Variants in LRRC4C observed in about 807,000 individuals in gnomAD.
LRRC4C encodes leucine-rich repeat-containing protein 4C.
A neutral mutation model predicts 33.6 loss-of-function variants in LRRC4C; 5 were observed. The ratio of observed to expected loss-of-function variants is 0.15; its 90% confidence interval spans 0.08 to 0.31. The LOEUF (loss-of-function observed/expected upper bound fraction) is 0.31. Ranked by LOEUF, LRRC4C falls within the 10% of genes least tolerant of loss-of-function variation. The probability of loss-of-function intolerance (pLI) is 1.00; values close to 1 mark genes in which losing one functional copy is unlikely to be tolerated. For missense variants in LRRC4C, 560 were observed against 796.7 expected (o/e 0.70, Z 3.58); for synonymous variants, 329 against 302.0 (o/e 1.09, Z -0.93).
intron 1 of LRRC4C, among the ~76,000 whole-genome samples, chr11:41,313,604 A>T (rs1046325181): frequency 2.6e-5 from 4 of 152,206 alleles, no homozygotes; most frequent in Non-Finnish European, 5.9e-5. Context: ...AGGGATAGAG[A>T]TAGTGCTTAG....
At position 40,757,281 on chromosome 11, in the gene LRRC4C, T is replaced by C. The variant is rs138976577; in HGVS notation, c.-406-109003A>G. On this transcript the variant is annotated intron_variant, in intron 2 of 6. Coordinates refer to ENST00000528697, the MANE Select transcript of LRRC4C (RefSeq NM_001258419.2). ...CTTCTAAAATCTCCCTTCTGGCTAATAAAAGCTTAGGAATTAGGATGGGCA... is the reference window on the plus strand; with the variant it reads ...CTTCTAAAATCTCCCTTCTGGCTAACAAAAGCTTAGGAATTAGGATGGGCA... Among the ~76,000 whole-genome samples the C allele has an allele frequency of 6.7e-3, 1,024 of 152,204 alleles. 11 individuals are homozygous for C. Among genetic ancestry groups the C allele is most frequent in the African/African-American group, 0.023 (944 of 41,562 alleles).
chr11:40,738,533 A>T (rs1265819450), intron 2 of LRRC4C, among the ~76,000 whole-genome samples: 1 of 152,198 alleles, frequency 6.6e-6, no homozygotes, highest in East Asian at 1.9e-4. Flanking sequence ...AAGGTTCAGG[A>T]CACAAAAATC....
rs140098293 is a variant in LRRC4C, at chr11:40,114,521, T to C, written c.1772A>G (p.Glu591Gly). The change falls in exon 7 of 7, where the codon GAG becomes GGG. Residue 591 changes from glutamate to glycine, a missense_variant. By Grantham distance (98) the Glu-to-Gly change is moderately conservative (BLOSUM62 -2). Around this residue, in one of 3 missense-constraint regions of LRRC4C, gnomAD observed 103 missense variants for 132.1 expected, o/e 0.78. Transcript: ENST00000528697. ...GTTATAGTGATTTAGGTGCTCATGC[T>C]CGATAGCAGGCATGGGCAGGTGGCT... ...MESHLPMPAI[E>G]HEHLNHYNSY... is the part of the protein sequence containing the mutation. 1.2e-6 allele frequency: 2 copies of C among 1,614,036 alleles called. No homozygotes were observed. The highest frequency in any genetic ancestry group is 1.7e-6 in the Non-Finnish European group (2 of 1,180,016).
At chr11:41,448,122 G>GTTTTTTTTTTTGTTTTTTTTT (rs1955888375) in intron 1 of LRRC4C, among the ~76,000 whole-genome samples, 1 of 46,948 alleles carries the variant, frequency 2.1e-5, no homozygotes, top group Admixed American at 2.8e-4. Context: ...GCACACGTCT[G>GTTTTTTTTTTTGTTTTTTTTT]TTTTTTTTTT....
intron 2 of LRRC4C, among the ~76,000 whole-genome samples, chr11:40,845,307 C>T (rs532009269): frequency 3.3e-4 from 50 of 152,210 alleles, no homozygotes; most frequent in Middle Eastern, 3.4e-3. Flanking sequence ...CCTCCCCTTG[C>T]CACCTACATG....
chr11:40,511,696 G>T (rs2135141752), intron 3 of LRRC4C, among the ~76,000 whole-genome samples: 1 of 152,296 alleles, frequency 6.6e-6, no homozygotes, highest in Non-Finnish European at 1.5e-5. Flanking sequence ...GCCACACTTA[G>T]TAAATGATAA....
At chr11:40,438,965 C>G (rs1441271806) in intron 3 of LRRC4C, among the ~76,000 whole-genome samples, 1 of 131,082 alleles carries the variant, frequency 7.6e-6, no homozygotes, top group African/African-American at 2.9e-5. Context: ...GAGTCTCACT[C>G]TGTCGCCCAG....
chr11:40,487,031 T>C (rs1403068458), intron 3 of LRRC4C, among the ~76,000 whole-genome samples: 2 of 152,060 alleles, frequency 1.3e-5, no homozygotes, highest in Non-Finnish European at 2.9e-5. Context: ...AGAAAAGTTA[T>C]ACGGCGGGGC....
chr11:40,156,940 A>G (rs907764511), intron 5 of LRRC4C, among the ~76,000 whole-genome samples: 2 of 152,186 alleles, frequency 1.3e-5, no homozygotes, highest in African/African-American at 4.8e-5. Context: ...GAATCAAAAA[A>G]GAGCCCGTAT....
chr11:41,018,548 T>C (rs1855746143), intron 1 of LRRC4C, among the ~76,000 whole-genome samples: 1 of 152,178 alleles, frequency 6.6e-6, no homozygotes, highest in Non-Finnish European at 1.5e-5. Context: ...ATTTTATTTC[T>C]CCTTGATTAT....
chr11:40,213,917 T>A (rs1305321860), intron 5 of LRRC4C, among the ~76,000 whole-genome samples: 1 of 151,794 alleles, frequency 6.6e-6, no homozygotes, highest in Non-Finnish European at 1.5e-5. Context: ...GATCCCAAAT[T>A]GAAAATGAGA....
chr11:41,066,191 A>G (rs1252917227), intron 1 of LRRC4C, among the ~76,000 whole-genome samples: 2 of 152,194 alleles, frequency 1.3e-5, no homozygotes, highest in African/African-American at 4.8e-5. Flanking sequence ...AGGAACTGCT[A>G]ACTACAATAA....
In LRRC4C at chr11:40,447,179, G is replaced by A. The variant is rs949683637; in HGVS notation, c.-269-127458C>T. 6 of 159,772 alleles carry A rather than the reference G, an allele frequency of 3.8e-5. No individual in the cohort carries two copies. In the South Asian group the frequency reaches 7.8e-4, roughly 21 times the overall value. 9.9% of individuals were successfully genotyped at this position (159,772 alleles called of 1,614,324 possible). A position where few individuals can be genotyped will look rare whatever the true frequency, so the allele number is the denominator to read the frequency against. ...AATGGCACATTTCCCCTCAACTCAA[G>A]TCATCAGCCTCCTGAATGCTTCCTC... On this transcript the variant is annotated intron_variant, in intron 3 of 6. Coordinates refer to ENST00000528697, the MANE Select transcript of LRRC4C (RefSeq NM_001258419.2).
intron 4 of LRRC4C, among the ~76,000 whole-genome samples, chr11:40,289,846 G>C (rs1944074086): frequency 6.6e-6 from 1 of 152,120 alleles, no homozygotes; most frequent in East Asian, 1.9e-4. Flanking sequence ...AAGTGGAGGG[G>C]ATGGGAGGAC....
At chr11:40,552,214 C>T (rs997674397) in intron 3 of LRRC4C, among the ~76,000 whole-genome samples, 1 of 152,112 alleles carries the variant, frequency 6.6e-6, no homozygotes, top group Non-Finnish European at 1.5e-5. Flanking sequence ...CTGGAGAATC[C>T]TGACTACTAC....
chr11:41,341,518 C>A (rs1052563402), intron 1 of LRRC4C, among the ~76,000 whole-genome samples: 2 of 152,066 alleles, frequency 1.3e-5, no homozygotes, highest in African/African-American at 4.8e-5. Flanking sequence ...CTTTTCCCCC[C>A]ATTAGTTGGA....
At chr11:40,893,064 TCACTTA>T (rs1022519480) in intron 2 of LRRC4C, among the ~76,000 whole-genome samples, 3 of 151,996 alleles carry the variant, frequency 2.0e-5, no homozygotes, top group African/African-American at 7.2e-5. Context: ...TGAAATCCTG[TCACTTA>T]CAGCAATATG....
At chr11:40,353,702 A>C (rs1031987704) in intron 3 of LRRC4C, among the ~76,000 whole-genome samples, 6 of 152,190 alleles carry the variant, frequency 3.9e-5, no homozygotes, top group African/African-American at 1.4e-4. Flanking sequence ...CGATACAGCG[A>C]GACTCTGTCT....
At chr11:41,166,220 C>G (rs2136065587) in intron 1 of LRRC4C, among the ~76,000 whole-genome samples, 1 of 152,190 alleles carries the variant, frequency 6.6e-6, no homozygotes, top group Middle Eastern at 3.4e-3. Flanking sequence ...GAGCCTAGCA[C>G]ATAGAAAATA....
Sources: allele counts gnomAD v4.1 joint callset (sites outside exome capture counted in the v4.1 genomes callset), GRCh38; gene constraint gnomAD v4.1.1; regional missense constraint gnomAD v4.1.1; transcripts MANE v1.5; gene names NCBI Gene and HGNC (gene_info 2026-07-23, HGNC 2026-07-21).